The following POP1 variants were observed in gnomAD, a reference collection of about 807,000 sequenced individuals.
POP1 encodes POP1 ribonuclease P/MRP subunit.
POP1 carries 75 observed loss-of-function variants against 102.2 expected under a neutral mutation model. That is an observed-to-expected ratio of 0.73 (90% CI 0.61 to 0.89). POP1 has a LOEUF of 0.89. Among genes scored for constraint, POP1 ranks in the 40% least tolerant of loss-of-function variants. The pLI is 0.00. For synonymous variants in POP1, 436 were observed against 464.1 expected, an observed-to-expected ratio of 0.94 and a Z score of 0.78; for missense variants, 1,116 against 1,267.4, an observed-to-expected ratio of 0.88 and a Z score of 1.81.
chr8:98,145,234 T>C (rs1023415835), intron 11 of POP1, among the ~76,000 whole-genome samples: 3 of 152,204 alleles, frequency 2.0e-5, no homozygotes, highest in Admixed American at 1.3e-4. Flanking sequence ...TTTCATCAAC[T>C]TAATTTTTTC....
chr8:98,117,296 C>A lies in POP1; in HGVS notation c.-97C>A. ...GAGGAAGCGCCCGGTCTGGCGCATGCGCTCTCCAGCGCGCTCTCCAGGAGC... is the reference window on the plus strand; with the variant it reads ...GAGGAAGCGCCCGGTCTGGCGCATGAGCTCTCCAGCGCGCTCTCCAGGAGC... On this transcript the variant is annotated 5_prime_UTR_variant, in exon 1 of 16. Transcript: ENST00000401707. 1 of 598,758 alleles carries A rather than the reference C, an allele frequency of 1.7e-6. No homozygotes were observed. The highest frequency in any genetic ancestry group is 1.9e-5 in the South Asian group (1 of 51,528). 37.1% of individuals were successfully genotyped at this position (598,758 alleles called of 1,614,324 possible). A position where few individuals can be genotyped will look rare whatever the true frequency, so the allele number is the denominator to read the frequency against.
At chr8:98,148,555 T>G (rs942644318) in intron 12 of POP1, among the ~76,000 whole-genome samples, 2 of 152,218 alleles carry the variant, frequency 1.3e-5, no homozygotes, top group African/African-American at 4.8e-5. Context: ...TTAATCTTGA[T>G]ATAAGAGATC....
intron 5 of POP1, 64 bp downstream of exon 5, chr8:98,130,290 G>A: frequency 6.2e-7 from 1 of 1,603,614 alleles, no homozygotes; most frequent in Non-Finnish European, 8.5e-7. Context: ...GAGGCCTTTA[G>A]AATAGTTTAT....
intron 12 of POP1, among the ~76,000 whole-genome samples, chr8:98,148,547 A>G (rs911228904): frequency 3.3e-5 from 5 of 152,228 alleles, no homozygotes; most frequent in African/African-American, 1.2e-4. Flanking sequence ...ATACAAGATT[A>G]ATCTTGATAT....
At chr8:98,130,339 AAAT>A in intron 5 of POP1, 113 bp downstream of exon 5, 1 of 1,484,390 alleles carries the variant, frequency 6.7e-7, no homozygotes, top group Non-Finnish European at 9.3e-7. Context: ...TTCATTTTAA[AAAT>A]AATTCCTGAG....
In POP1 at chr8:98,148,909, A is replaced by G. The variant is rs1413447746; in HGVS notation, c.1805A>G (p.Gln602Arg). Reference protein sequence around the residue: ...ESKIPILLIQQPGKVTGEDRL... With the variant: ...ESKIPILLIQRPGKVTGEDRL... ...AAGATACCTATACTTTTGATTCAGC[A>G]GCCAGGAAAAGTGACTGGTGAAGAT... The change falls in exon 13 of 16, where the codon CAG becomes CGG. Residue 602 changes from glutamine to arginine, a missense_variant. Transcript: ENST00000401707. 3.1e-6 allele frequency: 5 copies of G among 1,613,986 alleles called. No individual in the cohort carries two copies. Among genetic ancestry groups the G allele is most frequent in the Non-Finnish European group, 4.2e-6 (5 of 1,179,942 alleles).
chr8:98,140,799 G>T lies in POP1; in HGVS notation c.1505G>T (p.Gly502Val). Residue 502 changes from glycine (G) to valine (V), a missense_variant, in exon 11 of 16, where the codon GGT becomes GTT. Gly to Val is a moderately radical substitution (Grantham distance 109, BLOSUM62 -3). Coordinates refer to ENST00000401707, the MANE Select transcript of POP1 (RefSeq NM_001145860.2). ...GITSPAEIPA[G>V]TILGLTVGDP... ...ACATCACCAGCAGAAATTCCGGCAGGTACTATTCTGGGACTGACAGTTGGG... is the reference window on the plus strand; with the variant it reads ...ACATCACCAGCAGAAATTCCGGCAGTTACTATTCTGGGACTGACAGTTGGG... The T allele has an allele frequency of 6.2e-7, 1 of 1,614,018 alleles. No homozygotes were observed. Among genetic ancestry groups the T allele is most frequent in the Non-Finnish European group, 8.5e-7 (1 of 1,179,924 alleles).
chr8:98,146,484 A>G, intron 11 of POP1, 84 bp from the exon 12 acceptor site: 2 of 936,724 alleles, frequency 2.1e-6, no homozygotes, highest in African/African-American at 1.6e-5. Context: ...TTGTTTTGTA[A>G]CAAAAGGCCT....
chr8:98,132,955 G>A (rs1464752989), intron 5 of POP1, among the ~76,000 whole-genome samples: 2 of 126,466 alleles, frequency 1.6e-5, no homozygotes, highest in Non-Finnish European at 3.2e-5. Context: ...GCTCGTGCCT[G>A]TAGTCCCAGC....
chr8:98,120,707 C>G (rs185255528), intron 1 of POP1, among the ~76,000 whole-genome samples: 2 of 150,610 alleles, frequency 1.3e-5, no homozygotes, highest in Admixed American at 6.6e-5. Context: ...AGTGCAGTGG[C>G]GCGATCTCGG....
intron 2 of POP1, among the ~76,000 whole-genome samples, chr8:98,125,117 C>T (rs1586227654): frequency 6.7e-6 from 1 of 149,694 alleles, no homozygotes; most frequent in East Asian, 2.0e-4. Flanking sequence ...ATTAACACCA[C>T]AATTGAAATA....
At chr8:98,133,890 T>C in intron 5 of POP1, 59 bp from the exon 6 acceptor site, 3 of 1,280,480 alleles carry the variant, frequency 2.3e-6, no homozygotes, top group Non-Finnish European at 3.4e-6. Flanking sequence ...TTTTGGCTTC[T>C]TAGCAGTTTT....
intron 5 of POP1, among the ~76,000 whole-genome samples, chr8:98,131,974 A>G (rs1195801857): frequency 2.6e-5 from 4 of 152,184 alleles, no homozygotes; most frequent in Non-Finnish European, 4.4e-5. Context: ...GGTGGCCTAC[A>G]TAGCACTTGG....
chr8:98,128,049 G>A (rs531282659), intron 3 of POP1, among the ~76,000 whole-genome samples: 2 of 152,106 alleles, frequency 1.3e-5, no homozygotes, highest in African/African-American at 2.4e-5. Context: ...TTTTAAATAT[G>A]CCATCCACAC....
intron 11 of POP1, among the ~76,000 whole-genome samples, chr8:98,143,369 G>A (rs1388286224): frequency 1.3e-5 from 2 of 152,010 alleles, no homozygotes; most frequent in East Asian, 3.9e-4. Context: ...TTATTTTTTA[G>A]CGCAGCTTTA....
At chr8:98,126,466 A>T (rs1816209753) in intron 2 of POP1, among the ~76,000 whole-genome samples, 1 of 152,188 alleles carries the variant, frequency 6.6e-6, no homozygotes. Flanking sequence ...GGGAAAAAAG[A>T]TGTTCCCAGC....
Position 98,148,813 on chromosome 8 carries a change from A to G in POP1, c.1711-2A>G, listed in dbSNP as rs757893763. On this transcript the variant is annotated splice_acceptor_variant, in intron 12 of 15. Coordinates refer to ENST00000401707, the MANE Select transcript of POP1 (RefSeq NM_001145860.2). LOFTEE classifies it high-confidence loss of function. The stretch of plus-strand genomic sequence containing the variant: ...GTCTTGAATTATTTTCTTCCACTTT[A>G]GGATTTAAACCGGATGAGGAGTGAA... The G allele has an allele frequency of 6.2e-7, 1 of 1,610,882 alleles. No homozygotes were observed. The highest frequency in any genetic ancestry group is 1.3e-5 in the African/African-American group (1 of 74,906).
intron 2 of POP1, among the ~76,000 whole-genome samples, chr8:98,125,179 GT>G (rs748014497): frequency 0.038 from 3,923 of 102,386 alleles, 58 homozygotes; most frequent in African/African-American, 0.14. Context: ...TTTACAGACA[GT>G]TTTTTTTTTT....
chr8:98,128,263 C>A, intron 3 of POP1, 102 bp from the exon 4 acceptor site: 1 of 1,132,854 alleles, frequency 8.8e-7, no homozygotes, highest in South Asian at 1.3e-5. Flanking sequence ...CTCTTTACGC[C>A]TTCTTGGTGG....
Sources: allele counts gnomAD v4.1 joint callset (sites outside exome capture counted in the v4.1 genomes callset), GRCh38; gene constraint gnomAD v4.1.1; transcripts MANE v1.5; gene names NCBI Gene and HGNC (gene_info 2026-07-23, HGNC 2026-07-21).